RAB11FIP4: variants seen among roughly 807,000 people sequenced by gnomAD.
RAB11FIP4 encodes RAB11 family interacting protein 4.
RAB11FIP4 carries 23 observed loss-of-function variants against 74.3 expected under a neutral mutation model. That is an observed-to-expected ratio of 0.31 (90% CI 0.22 to 0.44). The LOEUF (loss-of-function observed/expected upper bound fraction) is 0.44, where lower values mean the gene tolerates loss of function less well. Among genes scored for constraint, RAB11FIP4 ranks in the 20% least tolerant of loss-of-function variants. RAB11FIP4 has a pLI of 1.00. For synonymous variants in RAB11FIP4, 360 were observed against 359.9 expected (o/e 1.00, Z 0.00); for missense variants, 630 against 863.9 (o/e 0.73, Z 3.39).
intron 3 of RAB11FIP4, among the ~76,000 whole-genome samples, chr17:31,475,393 C>G (rs2071781269): frequency 6.6e-6 from 1 of 152,194 alleles, no homozygotes; most frequent in Non-Finnish European, 1.5e-5. Context: ...GAAAGACATT[C>G]TAAGCTGTCA....
In RAB11FIP4 at chr17:31,431,616, C is replaced by T. The variant is rs1000229946; in HGVS notation, c.160-197C>T. On this transcript the variant is annotated intron_variant, in intron 1 of 14. Coordinates refer to ENST00000621161, the MANE Select transcript of RAB11FIP4 (RefSeq NM_032932.6). ...CAGGGAGGAGCCGGTGTTGGCTCTGCTTTTCTTTGCCCGAGTTGTCTGTCA... is the reference window on the plus strand; with the variant it reads ...CAGGGAGGAGCCGGTGTTGGCTCTGTTTTTCTTTGCCCGAGTTGTCTGTCA... 5.6e-6 allele frequency: 3 copies of T among 532,960 alleles called. No homozygotes were observed. The African/African-American group carries it at 5.9e-5, about 11-fold the overall frequency. 33.0% of individuals were successfully genotyped at this position (532,960 alleles called of 1,614,324 possible).
intron 3 of RAB11FIP4, among the ~76,000 whole-genome samples, chr17:31,487,282 T>C (rs1205956632): frequency 6.6e-6 from 1 of 152,154 alleles, no homozygotes; most frequent in Non-Finnish European, 1.5e-5. Flanking sequence ...GGAGTACATT[T>C]TTAAACATTT....
At chr17:31,525,380 ATAC>A in intron 10 of RAB11FIP4, 150 bp downstream of exon 10, 1 of 725,336 alleles carries the variant, frequency 1.4e-6, no homozygotes, top group Non-Finnish European at 2.3e-6. Flanking sequence ...TTCCACTTTA[ATAC>A]CACGAGAAAC....
intron 1 of RAB11FIP4, among the ~76,000 whole-genome samples, chr17:31,402,920 T>C (rs117468045): frequency 0.072 from 10,911 of 151,918 alleles, 516 homozygotes; most frequent in Non-Finnish European, 0.099. Context: ...CCACCGCGCC[T>C]GGCCAGATTA....
At chr17:31,402,785 C>A (rs1299712274) in intron 1 of RAB11FIP4, among the ~76,000 whole-genome samples, 1 of 150,670 alleles carries the variant, frequency 6.6e-6, no homozygotes, top group Non-Finnish European at 1.5e-5. Flanking sequence ...TCACTCCTGG[C>A]TAATTTTTTT....
At chr17:31,492,164 A>G (rs1380231094) in intron 3 of RAB11FIP4, among the ~76,000 whole-genome samples, 1 of 151,946 alleles carries the variant, frequency 6.6e-6, no homozygotes, top group Non-Finnish European at 1.5e-5. Context: ...CTGTCTCCTC[A>G]TCTCTTGTCT....
At chr17:31,500,642 A>G (rs2072200533) in intron 3 of RAB11FIP4, among the ~76,000 whole-genome samples, 1 of 152,224 alleles carries the variant, frequency 6.6e-6, no homozygotes, top group Non-Finnish European at 1.5e-5. Context: ...GCAAACAAAA[A>G]TTGCCTTTGC....
intron 3 of RAB11FIP4, 141 bp from the exon 4 acceptor site, chr17:31,517,510 C>G (rs1341636675): frequency 1.4e-6 from 1 of 730,280 alleles, no homozygotes; most frequent in Non-Finnish European, 2.3e-6. Flanking sequence ...CCAGGTGTTC[C>G]CACGCTTAGG....
At chr17:31,438,674 G>A (rs1476685565) in intron 3 of RAB11FIP4, among the ~76,000 whole-genome samples, 1 of 152,092 alleles carries the variant, frequency 6.6e-6, no homozygotes, top group Non-Finnish European at 1.5e-5. Context: ...TCACCATGGT[G>A]CATCTCACAC....
chr17:31,525,903 G>A (rs1421857660), intron 10 of RAB11FIP4: 1 of 152,342 alleles, frequency 6.6e-6, no homozygotes, highest in Non-Finnish European at 1.5e-5. Flanking sequence ...CAGCTGCCCT[G>A]GCACTCCTCA....
chr17:31,426,578 C>CT (rs967027494), intron 1 of RAB11FIP4, among the ~76,000 whole-genome samples: 1 of 141,928 alleles, frequency 7.0e-6, no homozygotes, highest in Non-Finnish European at 1.5e-5. Context: ...CACCTGTTTT[C>CT]TTTTTTTTCT....
chr17:31,462,285 A>C (rs985708514), intron 3 of RAB11FIP4, among the ~76,000 whole-genome samples: 7 of 151,846 alleles, frequency 4.6e-5, no homozygotes, highest in Non-Finnish European at 7.4e-5. Flanking sequence ...AAAAAACAAA[A>C]AAAAAAACAG....
chr17:31,517,615 G>C lies in RAB11FIP4; in HGVS notation c.337-36G>C, dbSNP rs773435656. On this transcript the variant is annotated intron_variant, in intron 3 of 14. Coordinates refer to ENST00000621161, the MANE Select transcript of RAB11FIP4 (RefSeq NM_032932.6). ...TGGAACACTGAGCCCTGGGAAGCTGGCCTCACTTATCTTGTCTCTGCTCTC... is the reference window on the plus strand; with the variant it reads ...TGGAACACTGAGCCCTGGGAAGCTGCCCTCACTTATCTTGTCTCTGCTCTC... 3 of 1,552,902 alleles carry C rather than the reference G, an allele frequency of 1.9e-6. No homozygotes were observed. The African/African-American group carries it at 4.1e-5, about 21-fold the overall frequency.
At chr17:31,482,977 G>C (rs112560778) in intron 3 of RAB11FIP4, among the ~76,000 whole-genome samples, 1 of 151,840 alleles carries the variant, frequency 6.6e-6, no homozygotes, top group Non-Finnish European at 1.5e-5. Flanking sequence ...GGCGGATCAC[G>C]GGATCAGGAG....
chr17:31,475,765 C>T (rs961468193), intron 3 of RAB11FIP4, among the ~76,000 whole-genome samples: 2 of 148,758 alleles, frequency 1.3e-5, no homozygotes, highest in African/African-American at 5.0e-5. Context: ...TCTTCACGGT[C>T]TAGTTAGTGC....
At chr17:31,446,597 A>G (rs1233294753) in intron 3 of RAB11FIP4, among the ~76,000 whole-genome samples, 1 of 152,098 alleles carries the variant, frequency 6.6e-6, no homozygotes, top group African/African-American at 2.4e-5. Context: ...ACATTGGAGT[A>G]GGTGTATTTG....
At chr17:31,528,028 A>G in intron 11 of RAB11FIP4, 105 bp downstream of exon 11, 2 of 817,648 alleles carry the variant, frequency 2.4e-6, no homozygotes, top group Non-Finnish European at 3.9e-6. Context: ...AAGAAATGCA[A>G]AAAAAGTGAA....
At chr17:31,402,940 G>A (rs1259476075) in intron 1 of RAB11FIP4, among the ~76,000 whole-genome samples, 1 of 151,676 alleles carries the variant, frequency 6.6e-6, no homozygotes, top group African/African-American at 2.4e-5. Flanking sequence ...ATTTTTAAAG[G>A]TGCTTATTAT....
At chr17:31,491,093 C>A (rs2071998976) in intron 3 of RAB11FIP4, among the ~76,000 whole-genome samples, 1 of 152,240 alleles carries the variant, frequency 6.6e-6, no homozygotes, top group East Asian at 1.9e-4. Context: ...CCCATCCATA[C>A]CAATTAGGCA....
Sources: allele counts gnomAD v4.1 joint callset (sites outside exome capture counted in the v4.1 genomes callset), GRCh38; gene constraint gnomAD v4.1.1; transcripts MANE v1.5; gene names NCBI Gene and HGNC (gene_info 2026-07-23, HGNC 2026-07-21).